Variants in NRXN1 observed in about 807,000 individuals in gnomAD.
NRXN1 encodes neurexin-1.
A neutral mutation model predicts 150.9 loss-of-function variants in NRXN1; 39 were observed. The observed-to-expected ratio is 0.26, with a 90% CI of 0.20 to 0.34. The LOEUF (loss-of-function observed/expected upper bound fraction) is 0.34. NRXN1 is among the 10% of genes least tolerant of loss of function. The pLI is 1.00. For synonymous variants in NRXN1, 924 were observed against 757.0 expected, an observed-to-expected ratio of 1.22 and a Z score of -3.62; for missense variants, 1,815 against 1,949.9, an observed-to-expected ratio of 0.93 and a Z score of 1.30.
chr2:50,889,541 C>A (rs1443672093), intron 5 of NRXN1, among the ~76,000 whole-genome samples: 1 of 151,592 alleles, frequency 6.6e-6, no homozygotes, highest in Non-Finnish European at 1.5e-5. Flanking sequence ...ACCTCAAATT[C>A]AAAATAAGAA....
At chr2:50,492,487 C>T (rs1283368439) in intron 15 of NRXN1, among the ~76,000 whole-genome samples, 1 of 152,158 alleles carries the variant, frequency 6.6e-6, no homozygotes, top group Non-Finnish European at 1.5e-5. Context: ...ACACTAAAGT[C>T]CTGTTCCTAT....
intron 18 of NRXN1, among the ~76,000 whole-genome samples, chr2:50,109,144 T>C (rs903428618): frequency 6.6e-6 from 1 of 152,188 alleles, no homozygotes. Context: ...AAAATTATTA[T>C]GTTATTTTCT....
chr2:49,918,708 G>T lies in NRXN1; in HGVS notation c.*3236C>A, dbSNP rs1196632320. The T allele has an allele frequency of 6.6e-6, 1 of 151,950 alleles. No individual in the cohort carries two copies. The highest frequency in any genetic ancestry group is 1.5e-5 in the Non-Finnish European group (1 of 67,934). 9.4% of individuals were successfully genotyped at this position (151,950 alleles called of 1,614,324 possible). On this transcript the variant is annotated 3_prime_UTR_variant, in exon 23 of 23. Coordinates refer to ENST00000401669, the MANE Select transcript of NRXN1 (RefSeq NM_001330078.2). ...ACATCTTTAAGTGTATGAATATAGAGGTCTTTAATGACTAGTTAAATCCAG... is the reference window on the plus strand; with the variant it reads ...ACATCTTTAAGTGTATGAATATAGATGTCTTTAATGACTAGTTAAATCCAG...
chr2:51,024,639 T>C (rs1406895641), intron 2 of NRXN1, among the ~76,000 whole-genome samples: 1 of 152,152 alleles, frequency 6.6e-6, no homozygotes, highest in African/African-American at 2.4e-5. Context: ...GGTGCATAAG[T>C]TGTTTCAAGG....
intron 19 of NRXN1, among the ~76,000 whole-genome samples, chr2:50,065,230 G>A (rs1298613739): frequency 6.6e-6 from 1 of 152,092 alleles, no homozygotes; most frequent in African/African-American, 2.4e-5. Context: ...CAGACCATAA[G>A]TACCTTTTAT....
intron 17 of NRXN1, among the ~76,000 whole-genome samples, chr2:50,304,923 C>G (rs1187514193): frequency 6.6e-6 from 1 of 152,038 alleles, no homozygotes; most frequent in Non-Finnish European, 1.5e-5. Flanking sequence ...AACCCCGTGT[C>G]TACTAAAAAT....
At chr2:50,086,765 T>C (rs1286463745) in intron 19 of NRXN1, among the ~76,000 whole-genome samples, 4 of 150,832 alleles carry the variant, frequency 2.7e-5, no homozygotes, top group Non-Finnish European at 5.9e-5. Flanking sequence ...ACAGCAGCAT[T>C]AGAACATTGA....
At chr2:50,391,364 T>A (rs1375654334) in intron 17 of NRXN1, among the ~76,000 whole-genome samples, 2 of 152,046 alleles carry the variant, frequency 1.3e-5, no homozygotes, top group African/African-American at 4.8e-5. Flanking sequence ...AGAGCAAAAT[T>A]TTATTAGAAT....
chr2:50,827,547 A>T (rs1670624949), intron 5 of NRXN1, among the ~76,000 whole-genome samples: 1 of 152,188 alleles, frequency 6.6e-6, no homozygotes, highest in Admixed American at 6.5e-5. Flanking sequence ...CTTACTTTCA[A>T]ATGTCACAAT....
At chr2:50,626,234 T>C (rs1681017442) in intron 5 of NRXN1, among the ~76,000 whole-genome samples, 2 of 151,862 alleles carry the variant, frequency 1.3e-5, no homozygotes, top group Admixed American at 6.6e-5. Context: ...GATTCATAGA[T>C]TCAATGAAAT....
intron 2 of NRXN1, among the ~76,000 whole-genome samples, chr2:50,929,066 T>C (rs1687341758): frequency 6.6e-6 from 1 of 152,076 alleles, no homozygotes; most frequent in African/African-American, 2.4e-5. Context: ...ATAATGGCTG[T>C]GTGCTGACAA....
intron 21 of NRXN1, among the ~76,000 whole-genome samples, chr2:50,019,929 CA>C (rs2152558151): frequency 1.2e-5 from 1 of 86,710 alleles, no homozygotes; most frequent in South Asian, 4.0e-4. Context: ...GCCTGGGTGA[CA>C]AAGCAAGACT....
chr2:50,141,228 C>A (rs1030423366), intron 18 of NRXN1, among the ~76,000 whole-genome samples: 1 of 151,830 alleles, frequency 6.6e-6, no homozygotes, highest in African/African-American at 2.4e-5. Flanking sequence ...TTAAATTGGG[C>A]CATGTGCTGG....
At chr2:50,089,028 A>T (rs532224675) in intron 19 of NRXN1, among the ~76,000 whole-genome samples, 1 of 152,170 alleles carries the variant, frequency 6.6e-6, no homozygotes, top group East Asian at 1.9e-4. Flanking sequence ...AGCATCCTGT[A>T]TTTCTCTTTT....
At chr2:50,578,892 A>C (rs1671833796) in intron 8 of NRXN1, among the ~76,000 whole-genome samples, 1 of 152,134 alleles carries the variant, frequency 6.6e-6, no homozygotes, top group Non-Finnish European at 1.5e-5. Flanking sequence ...TACATGAACG[A>C]AATCCACGCC....
chr2:50,748,984 C>T (rs549892044), intron 5 of NRXN1, among the ~76,000 whole-genome samples: 1 of 152,174 alleles, frequency 6.6e-6, no homozygotes, highest in South Asian at 2.1e-4. Context: ...GATAAACATG[C>T]ATGCTCACAG....
chr2:50,879,638 G>C (rs1679131340), intron 5 of NRXN1, among the ~76,000 whole-genome samples: 1 of 151,866 alleles, frequency 6.6e-6, no homozygotes, highest in Non-Finnish European at 1.5e-5. Context: ...GGGGGCAGCA[G>C]GTGGTACCTA....
At chr2:50,242,059 A>G (rs892745322) in intron 17 of NRXN1, among the ~76,000 whole-genome samples, 5 of 151,816 alleles carry the variant, frequency 3.3e-5, no homozygotes, top group Admixed American at 1.3e-4. Flanking sequence ...TTCAAATGTC[A>G]TCTTGTAGCC....
intron 5 of NRXN1, among the ~76,000 whole-genome samples, chr2:50,867,862 G>A (rs189278458): frequency 6.6e-6 from 1 of 151,670 alleles, no homozygotes; most frequent in African/African-American, 2.4e-5. Flanking sequence ...TTTCACAGGG[G>A]ATACATTCAT....
Sources: gnomAD v4.1 joint callset for allele counts (sites outside exome capture counted in the v4.1 genomes callset) on GRCh38, gnomAD v4.1.1 for gene constraint, MANE v1.5 for transcripts, NCBI Gene and HGNC (gene_info 2026-07-23, HGNC 2026-07-21) for gene names.